CD46: variants seen among roughly 807,000 people sequenced by gnomAD.
CD46 encodes CD46 molecule, also known as membrane cofactor protein.
A neutral mutation model predicts 53.3 loss-of-function variants in CD46; 30 were observed. The ratio of observed to expected loss-of-function variants is 0.56; its 90% confidence interval spans 0.42 to 0.76. The LOEUF (loss-of-function observed/expected upper bound fraction) is 0.76. Among genes scored for constraint, CD46 ranks in the 30% least tolerant of loss-of-function variants. The pLI, the probability that CD46 is intolerant of heterozygous loss-of-function variation, is 0.00. For missense variants in CD46, 409 were observed against 463.0 expected, an observed-to-expected ratio of 0.88 and a Z score of 1.07; for synonymous variants, 142 against 152.0, an observed-to-expected ratio of 0.93 and a Z score of 0.48.
At position 207,773,473 on chromosome 1, in the gene CD46, T is replaced by A. The variant is rs1657744923; in HGVS notation, c.943+3111T>A. ...GTTTGCTCTTGTTTCTCTAGTTCTT[T>A]TAATGGTGATGTTAGGGTGTTGATT... On this transcript the variant is annotated intron_variant, in intron 8 of 12. Transcript: ENST00000367042. Among the ~76,000 whole-genome samples, 3 of 152,220 alleles carry A rather than the reference T, an allele frequency of 2.0e-5. No homozygotes were observed. In the South Asian group the frequency reaches 6.2e-4, roughly 31 times the overall value.
intron 8 of CD46, among the ~76,000 whole-genome samples, chr1:207,772,625 G>T (rs2488257): frequency 6.6e-6 from 1 of 151,956 alleles, no homozygotes; most frequent in Non-Finnish European, 1.5e-5. Context: ...GTTGAATTTT[G>T]TCAAAGGCCT....
intron 8 of CD46, among the ~76,000 whole-genome samples, chr1:207,782,712 G>A (rs2488259): frequency 0.57 from 78,501 of 137,834 alleles, 21,713 homozygotes; most frequent in Middle Eastern, 0.68. Flanking sequence ...CAGTGGCTGT[G>A]TCTCGGCTCA....
chr1:207,758,289 TA>T (rs1279577098), intron 3 of CD46, among the ~76,000 whole-genome samples: 2 of 152,108 alleles, frequency 1.3e-5, no homozygotes, highest in Non-Finnish European at 2.9e-5. Context: ...TAGGCATTTA[TA>T]AAGAAAAGAA....
intron 1 of CD46, among the ~76,000 whole-genome samples, chr1:207,755,843 T>G (rs1655477048): frequency 6.6e-6 from 1 of 152,250 alleles, no homozygotes; most frequent in South Asian, 2.1e-4. Context: ...TGAAATTGAT[T>G]ACAATATATT....
chr1:207,773,373 G>T (rs904239856), intron 8 of CD46, among the ~76,000 whole-genome samples: 1 of 152,126 alleles, frequency 6.6e-6, no homozygotes, highest in African/African-American at 2.4e-5. Flanking sequence ...TTTTTGAAGG[G>T]TTTTTTATAT....
At position 207,752,449 on chromosome 1, in the gene CD46, C is replaced by T. The variant is rs1340563599; in HGVS notation, c.97+140C>T. On this transcript the variant is annotated intron_variant, in intron 1 of 12. Coordinates refer to ENST00000367042, the MANE Select transcript of CD46 (RefSeq NM_172351.3). This position sits in a 1 kb window ranked among gnomAD's most constrained non-coding sequence, Gnocchi z 4.1. ...TCTGAGGGGTGCAGTGCTCAGATCC[C>T]GGGGGTATGTGGCGGGGAATGCGGG... The T allele has an allele frequency of 1.1e-5, 9 of 826,278 alleles. No homozygotes were observed. Among genetic ancestry groups the T allele is most frequent in the African/African-American group, 1.7e-5 (1 of 59,838 alleles). 51.2% of individuals were successfully genotyped at this position (826,278 alleles called of 1,614,324 possible).
intron 12 of CD46, among the ~76,000 whole-genome samples, chr1:207,791,850 G>A (rs779463664): frequency 6.6e-6 from 1 of 152,100 alleles, no homozygotes; most frequent in Admixed American, 6.5e-5. Context: ...CTTCAAAATA[G>A]CTTCATTGTT....
intron 8 of CD46, among the ~76,000 whole-genome samples, chr1:207,783,038 T>C (rs1317673701): frequency 6.6e-6 from 1 of 152,154 alleles, no homozygotes; most frequent in East Asian, 1.9e-4. Context: ...ATTTGCATGT[T>C]GAACCACAGA....
chr1:207,767,710 T>G, intron 6 of CD46, 69 bp from the exon 7 acceptor site: 1 of 1,588,654 alleles, frequency 6.3e-7, no homozygotes, highest in Non-Finnish European at 8.6e-7. Flanking sequence ...TATAAGGAAT[T>G]CCTGGAGAAA....
At chr1:207,759,358 G>T (rs1255775407) in intron 3 of CD46, among the ~76,000 whole-genome samples, 1 of 152,246 alleles carries the variant, frequency 6.6e-6, no homozygotes, top group Non-Finnish European at 1.5e-5. Context: ...AGAAATGAAT[G>T]TGTAATGTGA....
Position 207,790,253 on chromosome 1 carries a change from C to G in CD46, c.1083C>G (p.Gly361=). 1 of 1,531,836 alleles carries G rather than the reference C, an allele frequency of 6.5e-7. No homozygotes were observed. The allele number at this position is 1,531,836 out of a possible 1,614,324, so 94.9% of individuals were successfully genotyped here. Residue 361 remains glycine (G), a splice_region_variant and synonymous_variant, in exon 12 of 13, where the codon GGC becomes GGG. Coordinates refer to ENST00000367042, the MANE Select transcript of CD46 (RefSeq NM_172351.3). ...YRYLQRRKKK[G]TYLTDETHRE... ...AGCCGTTTTCTCTTCCTCTGTTCAGCACATACCTAACTGATGAGACCCACA... is the reference window on the plus strand; with the variant it reads ...AGCCGTTTTCTCTTCCTCTGTTCAGGACATACCTAACTGATGAGACCCACA...
At chr1:207,754,680 A>G (rs1480485520) in intron 1 of CD46, among the ~76,000 whole-genome samples, 1 of 152,094 alleles carries the variant, frequency 6.6e-6, no homozygotes, top group Non-Finnish European at 1.5e-5. Context: ...TTTCTGCGGT[A>G]CCTAAAAAGC....
intron 5 of CD46, among the ~76,000 whole-genome samples, chr1:207,765,134 T>TTC (rs1656700238): frequency 6.6e-6 from 1 of 152,158 alleles, no homozygotes; most frequent in Admixed American, 6.5e-5. Flanking sequence ...GCAAGATTAG[T>TTC]TCAAATGCAA....
chr1:207,784,779 G>A (rs1250777692), intron 9 of CD46, among the ~76,000 whole-genome samples: 2 of 152,294 alleles, frequency 1.3e-5, no homozygotes, highest in Admixed American at 1.3e-4. Context: ...TTCACATGAT[G>A]GCAGGAAGGA....
intron 11 of CD46, 79 bp downstream of exon 11, chr1:207,785,761 C>T (rs1659208818): frequency 1.1e-6 from 1 of 890,026 alleles, no homozygotes; most frequent in Non-Finnish European, 1.9e-6. Context: ...AGTTTGTAAT[C>T]TGTATTGCAT....
intron 8 of CD46, among the ~76,000 whole-genome samples, chr1:207,773,258 T>G (rs1657717232): frequency 6.6e-6 from 1 of 152,218 alleles, no homozygotes; most frequent in Non-Finnish European, 1.5e-5. Context: ...CCTTTATCAT[T>G]TTTTATTGCG....
intron 7 of CD46, chr1:207,768,636 T>C (rs1446227900): frequency 6.6e-6 from 1 of 152,244 alleles, no homozygotes; most frequent in Admixed American, 6.5e-5. Context: ...AGAAGACTTT[T>C]GCAGGGACTC....
At chr1:207,791,765 ACTCT>A (rs1659820367) in intron 12 of CD46, among the ~76,000 whole-genome samples, 1 of 152,010 alleles carries the variant, frequency 6.6e-6, no homozygotes. Flanking sequence ...TAGTTTTTAG[ACTCT>A]CTCTGAGCTT....
chr1:207,782,640 CTTTTTTTTTTTT>C (rs35546891), intron 8 of CD46, among the ~76,000 whole-genome samples: 58 of 62,662 alleles, frequency 9.3e-4, no homozygotes, highest in African/African-American at 3.6e-3. Context: ...ATTAATCCCT[CTTTTTTTTTTTT>C]TTTTTTTTTT....
Sources: allele counts gnomAD v4.1 joint callset (sites outside exome capture counted in the v4.1 genomes callset), GRCh38; gene constraint gnomAD v4.1.1; non-coding constraint Gnocchi (gnomAD v3.1); transcripts MANE v1.5; gene names NCBI Gene and HGNC (gene_info 2026-07-23, HGNC 2026-07-21).